SKI: variants seen among roughly 807,000 people sequenced by gnomAD.
SKI encodes the protein SKI proto-oncogene, also known as ski oncogene.
Under a neutral mutation model 59.3 loss-of-function variants are expected in SKI, and 23 were observed. The observed-to-expected ratio is 0.39, with a 90% CI of 0.28 to 0.55. The LOEUF is 0.55. Among genes scored for constraint, SKI ranks in the 20% least tolerant of loss-of-function variants. SKI has a pLI of 0.67. For synonymous variants in SKI, 673 were observed against 488.6 expected (o/e 1.38, Z -4.98); for missense variants, 1,017 against 1,038.9 (o/e 0.98, Z 0.29).
intron 1 of SKI, chr1:2,240,841 G>T (rs1638855185): frequency 1.0e-6 from 1 of 975,928 alleles, no homozygotes; most frequent in South Asian, 4.7e-5. Context: ...GTGCTGCCCA[G>T]TGTGGGGGCC....
At chr1:2,240,164 G>C (rs1222626891) in intron 1 of SKI, among the ~76,000 whole-genome samples, 1 of 152,192 alleles carries the variant, frequency 6.6e-6, no homozygotes. Flanking sequence ...GACCCCGCAG[G>C]GTGGCCCCCA....
chr1:2,240,442 G>A (rs1203596269), intron 1 of SKI: 1 of 970,348 alleles, frequency 1.0e-6, no homozygotes, highest in Non-Finnish European at 1.2e-6. Flanking sequence ...GCACTTGGCG[G>A]CAAGCCACAT....
chr1:2,264,110 T>C (rs1034488353), intron 1 of SKI, among the ~76,000 whole-genome samples: 2 of 152,180 alleles, frequency 1.3e-5, no homozygotes, highest in African/African-American at 4.8e-5. Flanking sequence ...CTATTCAGTT[T>C]ATCTGTTCTT....
chr1:2,274,030 G>T (rs372713657), intron 1 of SKI, among the ~76,000 whole-genome samples: 57 of 151,996 alleles, frequency 3.8e-4, no homozygotes, highest in African/African-American at 1.3e-3. Flanking sequence ...GTGTGCGCAG[G>T]TCCTACGGGC....
Position 2,308,178 on chromosome 1 carries a change from T to G in SKI, c.*1413T>G, listed in dbSNP as rs1322839729. On this transcript the variant is annotated 3_prime_UTR_variant, in exon 7 of 7. Transcript: ENST00000378536. ...TTTACATAAGAAGATCTTACAGGAG[T>G]TCTTTGCTTGAATCCGTTCTAACAC... is the stretch of plus-strand genomic sequence containing the variant. 1.3e-5 allele frequency: 2 copies of G among 152,116 alleles called. No individual in the cohort carries two copies. The highest frequency in any genetic ancestry group is 2.9e-5 in the Non-Finnish European group (2 of 68,022). 9.4% of individuals were successfully genotyped at this position (152,116 alleles called of 1,614,324 possible). A position where few individuals can be genotyped will look rare whatever the true frequency, so the allele number is the denominator to read the frequency against.
chr1:2,297,825 C>G (rs1237476954), intron 1 of SKI, among the ~76,000 whole-genome samples: 1 of 152,264 alleles, frequency 6.6e-6, no homozygotes, highest in South Asian at 2.1e-4. Flanking sequence ...TGTGCATGGG[C>G]AGGTCTGAGA....
At chr1:2,292,133 G>A (rs1018819798) in intron 1 of SKI, among the ~76,000 whole-genome samples, 9 of 152,220 alleles carry the variant, frequency 5.9e-5, no homozygotes, top group Admixed American at 5.2e-4. Context: ...AGGAGACAGC[G>A]ATGGTCTCAG....
At chr1:2,244,163 C>T (rs371215061) in intron 1 of SKI, among the ~76,000 whole-genome samples, 27 of 152,216 alleles carry the variant, frequency 1.8e-4, no homozygotes, top group African/African-American at 6.3e-4. Flanking sequence ...GATGGGGTTT[C>T]ACCGTGTTAG....
intron 1 of SKI, among the ~76,000 whole-genome samples, chr1:2,272,845 GC>G (rs1262718390): frequency 1.3e-5 from 2 of 152,034 alleles, no homozygotes; most frequent in South Asian, 2.1e-4. Context: ...CCCCTCCCAC[GC>G]CCCGAGCCTC....
intron 1 of SKI, among the ~76,000 whole-genome samples, chr1:2,283,646 GC>G (rs147222365): frequency 0.023 from 3,567 of 152,306 alleles, 151 homozygotes; most frequent in African/African-American, 0.081. Context: ...ACCACGAGGG[GC>G]CATCCAGCCC....
Position 2,303,876 on chromosome 1 carries a change from G to A in SKI, c.1248G>A (p.Ala416=), listed in dbSNP as rs768317594. The A allele has an allele frequency of 6.8e-6, 11 of 1,612,398 alleles. No homozygotes were observed. Among genetic ancestry groups the A allele is most frequent in the Non-Finnish European group, 6.8e-6 (8 of 1,179,798 alleles). ...ACAAGAGCTTTGAGACAGCCGTGGCGCCCAACGTGGCCCTCGCACCGCCGG... is the reference window on the plus strand; with the variant it reads ...ACAAGAGCTTTGAGACAGCCGTGGCACCCAACGTGGCCCTCGCACCGCCGG... ...YSYKSFETAV[A]PNVALAPPAQ... is the part of the protein sequence containing the mutation. Residue 416 remains alanine, a synonymous_variant, in exon 4 of 7, where the codon GCG becomes GCA. Transcript: ENST00000378536. This position sits in a 1 kb window ranked among gnomAD's most constrained non-coding sequence, Gnocchi z 5.6.
chr1:2,246,668 G>T (rs1197706843), intron 1 of SKI, among the ~76,000 whole-genome samples: 3 of 152,192 alleles, frequency 2.0e-5, no homozygotes, highest in African/African-American at 7.2e-5. Flanking sequence ...CGGGACTGGT[G>T]GTGTTCATGG....
chr1:2,272,107 C>T (rs992160727), intron 1 of SKI, among the ~76,000 whole-genome samples: 141 of 152,306 alleles, frequency 9.3e-4, no homozygotes, highest in African/African-American at 3.1e-3. Context: ...GCAAAGAGGC[C>T]GGGTCAAAAG....
In SKI at chr1:2,247,536, C is replaced by T. The variant is rs557805014; in HGVS notation, c.969+17801C>T. Among the ~76,000 whole-genome samples the T allele has an allele frequency of 3.3e-5, 5 of 152,354 alleles. No individual in the cohort carries two copies. In the East Asian group the frequency reaches 9.6e-4, roughly 29 times the overall value. Reference sequence around the variant, plus strand: ...CGTTCCTCCCTTTGGAACCCATTGCCAAATGTGGGTGGTGTGGTGGACCCG... The same window carrying T: ...CGTTCCTCCCTTTGGAACCCATTGCTAAATGTGGGTGGTGTGGTGGACCCG... On this transcript the variant is annotated intron_variant, in intron 1 of 6. Transcript: ENST00000378536.
intron 1 of SKI, among the ~76,000 whole-genome samples, chr1:2,295,392 CTG>C (rs1375855321): frequency 6.6e-6 from 1 of 152,230 alleles, no homozygotes; most frequent in Non-Finnish European, 1.5e-5. Context: ...AAAATTAAGA[CTG>C]TATTCAGATA....
intron 1 of SKI, among the ~76,000 whole-genome samples, chr1:2,273,156 C>T (rs965793970): frequency 1.3e-5 from 2 of 152,230 alleles, no homozygotes; most frequent in African/African-American, 4.8e-5. Flanking sequence ...CCGTCTGAGA[C>T]CCACCTGGGG....
In SKI at chr1:2,267,340, G is replaced by C. The variant is rs1038739632; in HGVS notation, c.970-35638G>C. ...GGGCTGCGGTGGAGTTCTGGGGTTT[G>C]TTTGTGGGCATTTCCAGGTAGTCTG... On this transcript the variant is annotated intron_variant, in intron 1 of 6. Transcript: ENST00000378536. This position sits in a 1 kb window ranked among gnomAD's most constrained non-coding sequence, Gnocchi z 4.1. 6.6e-6 allele frequency among the ~76,000 whole-genome samples: 1 copy of C among 152,206 alleles called. No homozygotes were observed. The highest frequency in any genetic ancestry group is 1.5e-5 in the Non-Finnish European group (1 of 68,040).
At chr1:2,273,930 A>G (rs1364650437) in intron 1 of SKI, among the ~76,000 whole-genome samples, 1 of 152,062 alleles carries the variant, frequency 6.6e-6, no homozygotes, top group Non-Finnish European at 1.5e-5. Context: ...CCTGGCTGGA[A>G]GGTGACGGCA....
intron 1 of SKI, among the ~76,000 whole-genome samples, chr1:2,296,453 C>T (rs116285475): frequency 0.013 from 1,994 of 152,268 alleles, 25 homozygotes; most frequent in Middle Eastern, 0.034. Context: ...CGTCTCCCTG[C>T]GGTGTGATTG....
Sources: allele counts gnomAD v4.1 joint callset (sites outside exome capture counted in the v4.1 genomes callset), GRCh38; gene constraint gnomAD v4.1.1; non-coding constraint Gnocchi (gnomAD v3.1); transcripts MANE v1.5; gene names NCBI Gene and HGNC (gene_info 2026-07-23, HGNC 2026-07-21).